The following LAP3 variants were observed in gnomAD, a reference collection of about 807,000 sequenced individuals.
The protein encoded by LAP3 is leucine aminopeptidase 3, also known as cytosol aminopeptidase.
In LAP3, 46 loss-of-function variants were observed where a neutral mutation model predicts 58.8. The ratio of observed to expected loss-of-function variants is 0.78; its 90% confidence interval spans 0.62 to 1.00. LAP3 has a LOEUF of 1.00. Ranked by LOEUF, LAP3 falls within the 50% of genes least tolerant of loss-of-function variation. The pLI is 0.00. For missense variants in LAP3, 615 were observed against 659.1 expected, an observed-to-expected ratio of 0.93 and a Z score of 0.73; for synonymous variants, 257 against 237.7, an observed-to-expected ratio of 1.08 and a Z score of -0.75.
chr4:17,590,561 T>A (rs555455342), intron 7 of LAP3, among the ~76,000 whole-genome samples: 5 of 152,236 alleles, frequency 3.3e-5, no homozygotes, highest in Non-Finnish European at 7.4e-5. Context: ...TGTACTAAAG[T>A]GTCTATTATT....
intron 7 of LAP3, among the ~76,000 whole-genome samples, chr4:17,594,041 C>T (rs888430927): frequency 1.3e-5 from 2 of 152,006 alleles, no homozygotes; most frequent in Admixed American, 1.3e-4. Flanking sequence ...CAGAAAGACC[C>T]GTTAAGGAGA....
chr4:17,605,829 TTA>T (rs1714113330), intron 11 of LAP3, among the ~76,000 whole-genome samples: 1 of 152,182 alleles, frequency 6.6e-6, no homozygotes, highest in African/African-American at 2.4e-5. Flanking sequence ...AAAATCTCAG[TTA>T]TATGTGCATA....
At chr4:17,598,838 G>A (rs1713898958) in intron 10 of LAP3, among the ~76,000 whole-genome samples, 1 of 152,096 alleles carries the variant, frequency 6.6e-6, no homozygotes, top group South Asian at 2.1e-4. Context: ...CTGAGTTCAA[G>A]TGATTCTCCT....
At chr4:17,597,936 T>G (rs1369915569) in intron 9 of LAP3, among the ~76,000 whole-genome samples, 1 of 152,170 alleles carries the variant, frequency 6.6e-6, no homozygotes, top group Admixed American at 6.6e-5. Flanking sequence ...GGAATATAGT[T>G]AGGAAGTGTT....
At chr4:17,591,387 C>A (rs1426469072) in intron 7 of LAP3, among the ~76,000 whole-genome samples, 2 of 149,178 alleles carry the variant, frequency 1.3e-5, no homozygotes, top group African/African-American at 4.9e-5. Flanking sequence ...GTGATCCCCC[C>A]ACCTTGGCCT....
intron 5 of LAP3, 99 bp downstream of exon 5, chr4:17,583,741 T>G: frequency 2.2e-6 from 3 of 1,363,632 alleles, no homozygotes; most frequent in African/African-American, 1.4e-5. Flanking sequence ...CACCCACAGC[T>G]GCGTGGCTTG....
chr4:17,587,065 C>T (rs772148521), intron 6 of LAP3, among the ~76,000 whole-genome samples: 5 of 152,126 alleles, frequency 3.3e-5, no homozygotes, highest in Non-Finnish European at 5.9e-5. Flanking sequence ...GAGATCGCAC[C>T]GCTGCACTCC....
Position 17,583,495 on chromosome 4 carries a change from A to G in LAP3, c.392A>G (p.Gln131Arg). 6.2e-7 allele frequency: 1 copy of G among 1,613,926 alleles called. No homozygotes were observed. Among genetic ancestry groups the G allele is most frequent in the Non-Finnish European group, 8.5e-7 (1 of 1,180,044 alleles). ...CTGTCTTTTCAAGCGGGGTGCAGGCAGATTCAAGACCTGGAGCTCTCGTCT... is the reference window on the plus strand; with the variant it reads ...CTGTCTTTTCAAGCGGGGTGCAGGCGGATTCAAGACCTGGAGCTCTCGTCT... Reference protein sequence around the residue: ...IRAAVAAGCRQIQDLELSSVE... With the variant: ...IRAAVAAGCRRIQDLELSSVE... Residue 131 changes from glutamine to arginine, a missense_variant, in exon 5 of 13, where the codon CAG (glutamine) becomes CGG (arginine). Gln to Arg is a conservative substitution (Grantham distance 43). Transcript: ENST00000226299.
intron 10 of LAP3, among the ~76,000 whole-genome samples, chr4:17,603,669 C>G (rs192882793): frequency 0.017 from 2,519 of 151,778 alleles, 83 homozygotes; most frequent in African/African-American, 0.058. Context: ...GCATGCACCC[C>G]ACGCCCGACT....
intron 5 of LAP3, 91 bp downstream of exon 5, chr4:17,583,733 C>G (rs1308806405): frequency 7.0e-7 from 1 of 1,423,098 alleles, no homozygotes; most frequent in Non-Finnish European, 9.8e-7. Context: ...TTCAGCGCCA[C>G]CCACAGCTGC....
chr4:17,590,582 A>AT lies in LAP3; in HGVS notation c.863+1612dup, dbSNP rs527791943. Among the ~76,000 whole-genome samples, 568 of 152,046 alleles carry AT rather than the reference A, an allele frequency of 3.7e-3. 1 individual carries two copies. Among genetic ancestry groups the AT allele is most frequent in the Non-Finnish European group, 6.0e-3 (407 of 67,982 alleles). On this transcript the variant is annotated intron_variant, in intron 7 of 12. Transcript: ENST00000226299. Reference sequence around the variant, plus strand: ...AAAGTGTCTATTATTTTATTTATTTATTTTTTTGAGACAGAGTCTAGCTCT... The same window carrying AT: ...AAAGTGTCTATTATTTTATTTATTTATTTTTTTTGAGACAGAGTCTAGCTCT...
At chr4:17,582,947 G>C (rs538807788) in intron 4 of LAP3, among the ~76,000 whole-genome samples, 1 of 152,316 alleles carries the variant, frequency 6.6e-6, no homozygotes, top group African/African-American at 2.4e-5. Context: ...TAATTGGCTT[G>C]ATTACTATTT....
At chr4:17,585,240 A>G in intron 6 of LAP3, 104 bp downstream of exon 6, 1 of 936,830 alleles carries the variant, frequency 1.1e-6, no homozygotes, top group Non-Finnish European at 1.6e-6. Context: ...ACTTGAGACC[A>G]GAGATTTGAG....
chr4:17,580,960 C>A (rs575637661), intron 2 of LAP3, among the ~76,000 whole-genome samples: 4 of 152,260 alleles, frequency 2.6e-5, no homozygotes, highest in Non-Finnish European at 5.9e-5. Context: ...ATTTGTATCT[C>A]CTCTCAATTT....
chr4:17,597,719 G>A (rs899685272), intron 9 of LAP3, among the ~76,000 whole-genome samples: 6 of 152,206 alleles, frequency 3.9e-5, no homozygotes, highest in East Asian at 1.9e-4. Context: ...TGCAGAGGGC[G>A]GCAAAGCAGT....
In LAP3 at chr4:17,595,403, C is replaced by A. The variant is rs777411066; in HGVS notation, c.864-7C>A. 4.3e-6 allele frequency: 7 copies of A among 1,612,944 alleles called. No homozygotes were observed. In the South Asian group the frequency reaches 7.7e-5, roughly 18 times the overall value. On this transcript the variant is annotated splice_polypyrimidine_tract_variant and splice_region_variant and intron_variant, in intron 7 of 12. Transcript: ENST00000226299. ...CTTAATATTGCACGTTGTCCATTTC[C>A]CCATAGTGGTGGTATCTCCATCAAG... is the stretch of plus-strand genomic sequence containing the variant.
At chr4:17,584,860 G>T in intron 5 of LAP3, 112 bp from the exon 6 acceptor site, 2 of 1,054,934 alleles carry the variant, frequency 1.9e-6, no homozygotes, top group Non-Finnish European at 2.7e-6. Context: ...AATTGTTTTT[G>T]ATTTGTAGTC....
chr4:17,585,150 G>A lies in LAP3; in HGVS notation c.704+14G>A, dbSNP rs16895253. ...GGTCCATATCAGGTAATTCAGGATT[G>A]TGTCACAGACTCGAGATGTTACAGC... is the stretch of plus-strand genomic sequence containing the variant. On this transcript the variant is annotated intron_variant, in intron 6 of 12. Transcript: ENST00000226299. 4,557 of 1,605,626 alleles carry A rather than the reference G, an allele frequency of 2.8e-3. 131 individuals are homozygous for A. In the African/African-American group the frequency reaches 0.054, roughly 19 times the overall value.
intron 11 of LAP3, among the ~76,000 whole-genome samples, chr4:17,605,665 T>C (rs1423912769): frequency 1.3e-5 from 2 of 152,152 alleles, no homozygotes; most frequent in Admixed American, 6.5e-5. Flanking sequence ...CGAAGCCCAA[T>C]TTTCCCAGTT....
Sources: allele counts gnomAD v4.1 joint callset (sites outside exome capture counted in the v4.1 genomes callset), GRCh38; gene constraint gnomAD v4.1.1; transcripts MANE v1.5; gene names NCBI Gene and HGNC (gene_info 2026-07-23, HGNC 2026-07-21).